Variants in NUDT3 observed in about 807,000 individuals in gnomAD.
NUDT3 encodes the protein diphosphoinositol polyphosphate phosphohydrolase 1.
In NUDT3, 9 loss-of-function variants were observed where a neutral mutation model predicts 23.6. The observed-to-expected ratio is 0.38, with a 90% CI of 0.23 to 0.66. The LOEUF (loss-of-function observed/expected upper bound fraction) is 0.66, where lower values mean the gene tolerates loss of function less well. Ranked by LOEUF, NUDT3 falls within the 30% of genes least tolerant of loss-of-function variation. The pLI, the probability that NUDT3 is intolerant of heterozygous loss-of-function variation, is 0.52. For synonymous variants in NUDT3, 86 were observed against 82.6 expected (o/e 1.04, Z -0.22); for missense variants, 172 against 218.5 (o/e 0.79, Z 1.34).
At chr6:34,322,161 TAAAGGAAACCAG>T (rs1763951988) in intron 2 of NUDT3, among the ~76,000 whole-genome samples, 1 of 151,964 alleles carries the variant, frequency 6.6e-6, no homozygotes, top group Non-Finnish European at 1.5e-5. Flanking sequence ...GGAAACAAGT[TAAAGGAAACCAG>T]GAAGAAACAA....
chr6:34,386,377 T>C (rs1238326518), intron 1 of NUDT3, among the ~76,000 whole-genome samples: 1 of 152,228 alleles, frequency 6.6e-6, no homozygotes, highest in Non-Finnish European at 1.5e-5. Flanking sequence ...AAGGTAATCA[T>C]TTTCATCATG....
At chr6:34,335,754 T>G (rs866048689) in intron 2 of NUDT3, among the ~76,000 whole-genome samples, 20 of 122,270 alleles carry the variant, frequency 1.6e-4, no homozygotes, top group African/African-American at 4.4e-4. Flanking sequence ...AATGCTGTGT[T>G]TTTTTTTTTT....
At chr6:34,331,392 A>G (rs1030722804) in intron 2 of NUDT3, among the ~76,000 whole-genome samples, 1 of 151,966 alleles carries the variant, frequency 6.6e-6, no homozygotes, top group Non-Finnish European at 1.5e-5. Flanking sequence ...ATTAAGTAAA[A>G]CATGCTGTGG....
At chr6:34,312,805 G>A (rs962736926) in intron 2 of NUDT3, among the ~76,000 whole-genome samples, 4 of 152,208 alleles carry the variant, frequency 2.6e-5, no homozygotes, top group Non-Finnish European at 5.9e-5. Context: ...TAAATAAGGT[G>A]TGGTACATTT....
chr6:34,374,156 C>CAAAAAAAAAAAAAA (rs397888346), intron 1 of NUDT3, among the ~76,000 whole-genome samples: 1 of 64,718 alleles, frequency 1.5e-5, no homozygotes, highest in Admixed American at 1.8e-4. Context: ...GGCTCCCTCT[C>CAAAAAAAAAAAAAA]AAAAAAAAAA....
At chr6:34,370,539 T>C (rs1400085657) in intron 1 of NUDT3, among the ~76,000 whole-genome samples, 1 of 152,082 alleles carries the variant, frequency 6.6e-6, no homozygotes, top group East Asian at 1.9e-4. Flanking sequence ...GAAAAGAGGG[T>C]TCAGGATGTG....
At chr6:34,366,124 T>C (rs971648870) in intron 1 of NUDT3, among the ~76,000 whole-genome samples, 5 of 151,002 alleles carry the variant, frequency 3.3e-5, no homozygotes, top group African/African-American at 1.2e-4. Context: ...CCTAGCACTT[T>C]GGGAGACCAA....
At chr6:34,387,945 T>C (rs567857695) in intron 1 of NUDT3, among the ~76,000 whole-genome samples, 64 of 152,186 alleles carry the variant, frequency 4.2e-4, no homozygotes, top group Non-Finnish European at 5.3e-4. Flanking sequence ...TACTCACCGC[T>C]CACTCACTGA....
chr6:34,380,553 C>G (rs1434252677), intron 1 of NUDT3, among the ~76,000 whole-genome samples: 1 of 152,034 alleles, frequency 6.6e-6, no homozygotes, highest in African/African-American at 2.4e-5. Flanking sequence ...AGCATCCATA[C>G]CATGAAATGA....
chr6:34,302,489 T>C (rs1310555329), intron 2 of NUDT3, among the ~76,000 whole-genome samples: 1 of 152,150 alleles, frequency 6.6e-6, no homozygotes, highest in Non-Finnish European at 1.5e-5. Context: ...TCCCAGCACT[T>C]TGGGAGGCCG....
intron 1 of NUDT3, among the ~76,000 whole-genome samples, chr6:34,385,093 T>C (rs925234363): frequency 2.0e-5 from 3 of 150,614 alleles, no homozygotes. Flanking sequence ...CAGATAAATA[T>C]ACATTTATAT....
chr6:34,390,811 T>A (rs542114164), intron 1 of NUDT3, among the ~76,000 whole-genome samples: 1 of 152,292 alleles, frequency 6.6e-6, no homozygotes, highest in South Asian at 2.1e-4. Flanking sequence ...TGTGATCCCA[T>A]CTGATTTCCC....
Position 34,288,854 on chromosome 6 carries a change from A to G in NUDT3, c.418T>C (p.Phe140Leu). 1 of 1,614,140 alleles carries G rather than the reference A, an allele frequency of 6.2e-7. No homozygotes were observed. Among genetic ancestry groups the G allele is most frequent in the South Asian group, 1.1e-5 (1 of 91,082 alleles). ...GAGTAGCCTTGCCTCAATGTTTCAA[A>G]ATATGATGCCTGCACGGGTTTGTGA... ...QYHKPVQASY[F>L]ETLRQGYSAN... The change falls in exon 5 of 5, where the codon TTT becomes CTT. Residue 140 changes from phenylalanine to leucine, a missense_variant. Transcript: ENST00000607016.
chr6:34,324,586 G>A (rs1763994890), intron 2 of NUDT3, among the ~76,000 whole-genome samples: 1 of 152,124 alleles, frequency 6.6e-6, no homozygotes, highest in African/African-American at 2.4e-5. Flanking sequence ...CATTTTTAGG[G>A]TTAAAACTTT....
At chr6:34,372,873 A>G (rs1764854523) in intron 1 of NUDT3, among the ~76,000 whole-genome samples, 1 of 152,040 alleles carries the variant, frequency 6.6e-6, no homozygotes, top group Admixed American at 6.6e-5. Context: ...ATTACTGGTC[A>G]ATAATACTAT....
intron 1 of NUDT3, among the ~76,000 whole-genome samples, chr6:34,345,019 C>T (rs1764342972): frequency 6.6e-6 from 1 of 151,558 alleles, no homozygotes; most frequent in Non-Finnish European, 1.5e-5. Context: ...AAAAAGAAAA[C>T]TAGTTTTGCA....
In NUDT3 at chr6:34,331,614, T is replaced by C. The variant is rs7742411; in HGVS notation, c.210+10248A>G. ...GTCACAGAGAACTAACCACACTTTT[T>C]AAAAAAGCAATGGCTGTGTCACAAA... On this transcript the variant is annotated intron_variant, in intron 2 of 4. Transcript: ENST00000607016. Among the ~76,000 whole-genome samples the C allele has an allele frequency of 4.6e-4, 70 of 152,276 alleles. No homozygotes were observed. The South Asian group carries it at 0.013, about 29-fold the overall frequency.
intron 1 of NUDT3, among the ~76,000 whole-genome samples, chr6:34,387,674 A>T (rs13199852): frequency 0.016 from 1,996 of 122,024 alleles, 14 homozygotes; most frequent in East Asian, 0.052. Flanking sequence ...ATCTCTTTTT[A>T]AAAAAAAAAA....
chr6:34,382,190 G>A (rs1247065402), intron 1 of NUDT3, among the ~76,000 whole-genome samples: 1 of 151,484 alleles, frequency 6.6e-6, no homozygotes, highest in East Asian at 1.9e-4. Flanking sequence ...TGAGCCAGGA[G>A]TTCCAGACCA....
Sources: gnomAD v4.1 joint callset for allele counts (sites outside exome capture counted in the v4.1 genomes callset) on GRCh38, gnomAD v4.1.1 for gene constraint, MANE v1.5 for transcripts, NCBI Gene and HGNC (gene_info 2026-07-23, HGNC 2026-07-21) for gene names.